TOM1L2: variants seen among roughly 807,000 people sequenced by gnomAD.
The protein encoded by TOM1L2 is target of myb1 like 2 membrane trafficking protein.
TOM1L2 carries 31 observed loss-of-function variants against 67.9 expected under a neutral mutation model. The ratio of observed to expected loss-of-function variants is 0.46; its 90% CI spans 0.34 to 0.62. The LOEUF is 0.62. TOM1L2 is among the 20% of genes least tolerant of loss of function. The pLI is 0.01. For synonymous variants in TOM1L2, 256 were observed against 254.0 expected (o/e 1.01, Z -0.07); for missense variants, 606 against 663.5 (o/e 0.91, Z 0.95).
At chr17:17,853,376 A>C (rs1475995186) in intron 12 of TOM1L2, among the ~76,000 whole-genome samples, 4 of 152,202 alleles carry the variant, frequency 2.6e-5, no homozygotes, top group Non-Finnish European at 5.9e-5. Flanking sequence ...AAAGACATTA[A>C]GGGGTCAGGG....
At chr17:17,919,880 T>TTC (rs935797325) in intron 1 of TOM1L2, among the ~76,000 whole-genome samples, 1 of 152,072 alleles carries the variant, frequency 6.6e-6, no homozygotes, top group East Asian at 1.9e-4. Context: ...GCCAGGAAGG[T>TTC]TCTCTCTCTC....
In TOM1L2 at chr17:17,844,005, C is replaced by T. The variant is rs1266573099; in HGVS notation, c.*3630G>A. The stretch of plus-strand genomic sequence containing the variant: ...GTCTCTGGGGTGGAAACACTTCTCT[C>T]TGGGTGGGGAAGGCCTACTGTAACC... On this transcript the variant is annotated 3_prime_UTR_variant, in exon 15 of 15. Coordinates refer to ENST00000379504, the MANE Select transcript of TOM1L2 (RefSeq NM_001082968.2). 3 of 152,376 alleles carry T rather than the reference C, an allele frequency of 2.0e-5. No homozygotes were observed. Among genetic ancestry groups the T allele is most frequent in the African/African-American group, 7.2e-5 (3 of 41,460 alleles). The allele number at this position is 152,376 out of a possible 1,614,324, so 9.4% of individuals were successfully genotyped here.
intron 1 of TOM1L2, among the ~76,000 whole-genome samples, chr17:17,955,771 T>G (rs1338583242): frequency 1.3e-5 from 2 of 152,174 alleles, no homozygotes; most frequent in Admixed American, 1.3e-4. Context: ...GTTTTACAGT[T>G]CTTAAAGGCG....
chr17:17,967,600 TTCTC>T (rs374836133), intron 1 of TOM1L2, among the ~76,000 whole-genome samples: 3 of 152,148 alleles, frequency 2.0e-5, no homozygotes, highest in Admixed American at 2.0e-4. Context: ...TGGCTAGGCT[TTCTC>T]TCTCTTTTTT....
Position 17,972,390 on chromosome 17 carries a change from T to G in TOM1L2, c.-77A>C, listed in dbSNP as rs1297012476. 1 of 1,537,222 alleles carries G rather than the reference T, an allele frequency of 6.5e-7. No homozygotes were observed. The highest frequency in any genetic ancestry group is 1.4e-5 in the African/African-American group (1 of 72,678). ...TCCGCTGTAACCCGCCGGACTCCCGTCCTGACTGACACTTGCCCCCTCCCC... is the reference window on the plus strand; with the variant it reads ...TCCGCTGTAACCCGCCGGACTCCCGGCCTGACTGACACTTGCCCCCTCCCC... On this transcript the variant is annotated 5_prime_UTR_variant, in exon 1 of 15. Transcript: ENST00000379504.
Position 17,932,729 on chromosome 17 carries a change from A to C in TOM1L2, c.53-25198T>G, listed in dbSNP as rs548031367. ...CAACTCCTTGGGCCTCAATGTTCTTATCTATAAAATGGAGTTAATACTATT... is the reference window on the plus strand; with the variant it reads ...CAACTCCTTGGGCCTCAATGTTCTTCTCTATAAAATGGAGTTAATACTATT... On this transcript the variant is annotated intron_variant, in intron 1 of 14. Coordinates refer to ENST00000379504, the MANE Select transcript of TOM1L2 (RefSeq NM_001082968.2). Among the ~76,000 whole-genome samples the C allele has an allele frequency of 2.0e-4, 31 of 152,282 alleles. No individual in the cohort carries two copies. In the South Asian group the frequency reaches 6.4e-3, roughly 32 times the overall value.
chr17:17,941,949 C>A (rs2040752153), intron 1 of TOM1L2, among the ~76,000 whole-genome samples: 1 of 152,192 alleles, frequency 6.6e-6, no homozygotes, highest in Non-Finnish European at 1.5e-5. Flanking sequence ...CACAGCAAGA[C>A]CTCATCTCTA....
At chr17:17,860,295 T>C (rs1045368469) in intron 12 of TOM1L2, among the ~76,000 whole-genome samples, 1 of 152,240 alleles carries the variant, frequency 6.6e-6, no homozygotes, top group Admixed American at 6.5e-5. Context: ...TGCATTGATT[T>C]TGAGTGTCCC....
intron 1 of TOM1L2, among the ~76,000 whole-genome samples, chr17:17,917,401 T>C (rs187369801): frequency 6.6e-6 from 1 of 150,720 alleles, no homozygotes; most frequent in East Asian, 2.0e-4. Flanking sequence ...TGAGATTTCA[T>C]GTGAATTTTA....
rs2035800848 is a variant in TOM1L2, at chr17:17,848,827, A to G, written c.1371T>C (p.Ser457=). Residue 457 remains serine (S), a synonymous_variant, in exon 14 of 15, where the codon AGT becomes AGC. Transcript: ENST00000379504. ...AGGCCACTGGCCAGGCCATACCTTC[A>G]CTTGTGACACCCTCCTCCAGATCAT... The part of the protein sequence containing the change: ...KGDDLEEGVT[S]EEFDKFLEER... The G allele has an allele frequency of 6.2e-7, 1 of 1,613,992 alleles. No individual in the cohort carries two copies. Among genetic ancestry groups the G allele is most frequent in the African/African-American group, 1.3e-5 (1 of 74,914 alleles).
intron 9 of TOM1L2, among the ~76,000 whole-genome samples, chr17:17,866,657 G>A (rs1164945605): frequency 2.0e-5 from 3 of 152,214 alleles, no homozygotes; most frequent in African/African-American, 7.2e-5. Flanking sequence ...TGAGTCAACA[G>A]TGACTGTCCT....
intron 1 of TOM1L2, among the ~76,000 whole-genome samples, chr17:17,920,400 G>GT (rs907026481): frequency 4.4e-4 from 65 of 146,130 alleles, no homozygotes; most frequent in African/African-American, 1.6e-3. Context: ...GAGTGCAGTG[G>GT]TACAATCTCA....
intron 1 of TOM1L2, among the ~76,000 whole-genome samples, chr17:17,913,431 C>T (rs2039495241): frequency 6.6e-6 from 1 of 151,972 alleles, no homozygotes; most frequent in African/African-American, 2.4e-5. Flanking sequence ...AAGCCCAGCC[C>T]CAGGCCAGGG....
chr17:17,853,635 T>C (rs1454733099), intron 12 of TOM1L2, among the ~76,000 whole-genome samples: 1 of 152,226 alleles, frequency 6.6e-6, no homozygotes, highest in Non-Finnish European at 1.5e-5. Flanking sequence ...GTTTATGGAA[T>C]GGCATCCTCC....
intron 3 of TOM1L2, among the ~76,000 whole-genome samples, chr17:17,894,186 C>T (rs1449874635): frequency 6.6e-6 from 1 of 152,168 alleles, no homozygotes; most frequent in East Asian, 1.9e-4. Flanking sequence ...ATTAGCCAAT[C>T]GGACATGGGC....
At chr17:17,909,680 T>C (rs1458820275) in intron 1 of TOM1L2, among the ~76,000 whole-genome samples, 1 of 152,196 alleles carries the variant, frequency 6.6e-6, no homozygotes, top group Non-Finnish European at 1.5e-5. Context: ...GAGATGGTTG[T>C]TGATGGTTGC....
chr17:17,859,534 T>C (rs994854469), intron 12 of TOM1L2: 2 of 152,262 alleles, frequency 1.3e-5, no homozygotes, highest in Non-Finnish European at 2.9e-5. Flanking sequence ...TCTGCTGCCC[T>C]GTATCGCTAA....
chr17:17,925,237 TA>T (rs758474305), intron 1 of TOM1L2, among the ~76,000 whole-genome samples: 10 of 152,042 alleles, frequency 6.6e-5, no homozygotes, highest in Non-Finnish European at 1.3e-4. Flanking sequence ...AAGAACAACC[TA>T]ATACAGCCAT....
intron 1 of TOM1L2, among the ~76,000 whole-genome samples, chr17:17,963,880 G>A (rs1189298233): frequency 4.6e-5 from 7 of 152,190 alleles, no homozygotes; most frequent in Non-Finnish European, 8.8e-5. Flanking sequence ...GCAGGACACC[G>A]TGCTAGGGAT....
Sources: allele counts gnomAD v4.1 joint callset (sites outside exome capture counted in the v4.1 genomes callset), GRCh38; gene constraint gnomAD v4.1.1; transcripts MANE v1.5; gene names NCBI Gene and HGNC (gene_info 2026-07-23, HGNC 2026-07-21).